BNC2: variants seen among roughly 807,000 people sequenced by gnomAD.
The protein encoded by BNC2 is zinc finger protein basonuclin-2.
In BNC2, 20 loss-of-function variants were observed where a neutral mutation model predicts 76.3. That is an observed-to-expected ratio of 0.26 (90% CI 0.18 to 0.38). BNC2 has a LOEUF of 0.38. Ranked by LOEUF, BNC2 falls within the 10% of genes least tolerant of loss-of-function variation. The probability of loss-of-function intolerance (pLI) is 1.00; values close to 1 mark genes in which losing one functional copy is unlikely to be tolerated. For synonymous variants in BNC2, 582 were observed against 514.8 expected, an observed-to-expected ratio of 1.13 and a Z score of -1.77; for missense variants, 1,382 against 1,399.8, an observed-to-expected ratio of 0.99 and a Z score of 0.20.
intron 3 of BNC2, among the ~76,000 whole-genome samples, chr9:16,647,885 A>G (rs113467748): frequency 1.3e-5 from 2 of 152,290 alleles, no homozygotes; most frequent in African/African-American, 2.4e-5. Flanking sequence ...GCCATGAACT[A>G]TATTTCTAAT....
intron 1 of BNC2, among the ~76,000 whole-genome samples, chr9:16,809,250 C>A (rs1042821037): frequency 6.6e-6 from 1 of 152,052 alleles, no homozygotes; most frequent in Non-Finnish European, 1.5e-5. Flanking sequence ...AAAAACAAGC[C>A]CCCTCCTGGA....
At chr9:16,852,493 T>C (rs1819151701) in intron 1 of BNC2, among the ~76,000 whole-genome samples, 1 of 152,196 alleles carries the variant, frequency 6.6e-6, no homozygotes, top group African/African-American at 2.4e-5. Context: ...GAGATATTCA[T>C]CCATTCATTC....
rs78898457 is a variant in BNC2 at position 16,561,339 on chromosome 9, A to C, written c.434-8574T>G. Among the ~76,000 whole-genome samples the C allele has an allele frequency of 6.8e-4, 104 of 152,248 alleles. 1 individual carries two copies. The Middle Eastern group carries it at 0.024, about 35-fold the overall frequency. On this transcript the variant is annotated intron_variant, in intron 4 of 6. Coordinates refer to ENST00000380672, the MANE Select transcript of BNC2 (RefSeq NM_017637.6). ...ACCACACTGAAAATTGGAGATAGAA[A>C]CGGGGAGGGATGGCTTAGAGCCAAG...
intron 1 of BNC2, among the ~76,000 whole-genome samples, chr9:16,830,860 A>G (rs1818562582): frequency 6.6e-6 from 1 of 152,224 alleles, no homozygotes; most frequent in Non-Finnish European, 1.5e-5. Context: ...GGAATACCCT[A>G]AGGATTCTTG....
chr9:16,754,532 G>T (rs142797540), intron 1 of BNC2, among the ~76,000 whole-genome samples: 1 of 151,266 alleles, frequency 6.6e-6, no homozygotes, highest in East Asian at 2.0e-4. Flanking sequence ...CCAATTATAG[G>T]TTCAGTTATA....
At chr9:16,708,073 A>T (rs1308157483) in intron 3 of BNC2, among the ~76,000 whole-genome samples, 1 of 152,204 alleles carries the variant, frequency 6.6e-6, no homozygotes, top group Non-Finnish European at 1.5e-5. Context: ...AAATAAGTGG[A>T]ATCAGAACAA....
At chr9:16,437,652 C>T (rs1821047118) in intron 5 of BNC2, 128 bp from the exon 6 acceptor site, 1 of 1,112,470 alleles carries the variant, frequency 9.0e-7, no homozygotes, top group African/African-American at 1.6e-5. Flanking sequence ...AAACAACATG[C>T]AAGCACTGTT....
intron 1 of BNC2, among the ~76,000 whole-genome samples, chr9:16,806,678 T>A (rs1039606526): frequency 1.2e-4 from 18 of 152,226 alleles, no homozygotes; most frequent in Admixed American, 2.6e-4. Context: ...ACAGCCTTAA[T>A]GTAACTTCTT....
At chr9:16,542,252 G>C (rs75862364) in intron 5 of BNC2, among the ~76,000 whole-genome samples, 33 of 152,142 alleles carry the variant, frequency 2.2e-4, no homozygotes, top group Non-Finnish European at 3.8e-4. Flanking sequence ...CGATGAGTTC[G>C]AGCAGAAAAT....
chr9:16,760,160 C>G (rs1190415984), intron 1 of BNC2, among the ~76,000 whole-genome samples: 3 of 152,134 alleles, frequency 2.0e-5, no homozygotes, highest in Non-Finnish European at 4.4e-5. Flanking sequence ...CTAAGTATAC[C>G]ACCAAGTAAT....
rs571678342 is a variant in BNC2, at chr9:16,834,701, G to A, written c.3+35945C>T. On this transcript the variant is annotated intron_variant, in intron 1 of 6. Transcript: ENST00000380672. ...CCATTTGTGAACTCCCTACAAGTAA[G>A]TGATTTTTAGTCTTTTTTCTCTATC... 3.3e-4 allele frequency among the ~76,000 whole-genome samples: 50 copies of A among 151,732 alleles called. 2 individuals carry two copies. The South Asian group carries it at 8.9e-3, about 27-fold the overall frequency.
intron 3 of BNC2, among the ~76,000 whole-genome samples, chr9:16,718,481 A>G (rs144251126): frequency 8.3e-4 from 126 of 152,334 alleles, no homozygotes; most frequent in African/African-American, 2.8e-3. Flanking sequence ...AAGAGAACAA[A>G]CAAAAGTTGC....
intron 1 of BNC2, among the ~76,000 whole-genome samples, chr9:16,740,835 G>A (rs1013516374): frequency 9.9e-5 from 15 of 152,054 alleles, no homozygotes; most frequent in African/African-American, 3.6e-4. Flanking sequence ...AATGAAAAGG[G>A]TGCCCCTGGA....
At chr9:16,491,427 T>TA (rs552757606) in intron 5 of BNC2, among the ~76,000 whole-genome samples, 39 of 152,218 alleles carry the variant, frequency 2.6e-4, no homozygotes, top group Admixed American at 2.2e-3. Context: ...TGACAAAACT[T>TA]AAGAGGATCA....
chr9:16,808,120 T>G (rs1022049457), intron 1 of BNC2, among the ~76,000 whole-genome samples: 2 of 152,156 alleles, frequency 1.3e-5, no homozygotes, highest in Non-Finnish European at 2.9e-5. Flanking sequence ...AATAACAAAA[T>G]TTCAGAGTAT....
At chr9:16,545,488 T>C (rs1032162224) in intron 5 of BNC2, among the ~76,000 whole-genome samples, 3 of 152,180 alleles carry the variant, frequency 2.0e-5, no homozygotes, top group Non-Finnish European at 4.4e-5. Flanking sequence ...ACGGGCCTAA[T>C]TTTTTCACAC....
At chr9:16,728,201 T>A in intron 2 of BNC2, 1 of 644,406 alleles carries the variant, frequency 1.6e-6, no homozygotes, top group Non-Finnish European at 2.8e-6. Context: ...TTGCCTTTGC[T>A]CAGTTTAACA....
intron 1 of BNC2, among the ~76,000 whole-genome samples, chr9:16,864,118 T>C (rs1254563696): frequency 3.9e-5 from 6 of 152,198 alleles, no homozygotes; most frequent in Non-Finnish European, 1.5e-5. Flanking sequence ...TATCATCCTT[T>C]TTCTCCTCTG....
intron 1 of BNC2, among the ~76,000 whole-genome samples, chr9:16,765,336 T>C (rs1393004325): frequency 1.3e-5 from 2 of 152,172 alleles, no homozygotes; most frequent in African/African-American, 2.4e-5. Flanking sequence ...GCTTAAAATA[T>C]ACACATAAGA....
Sources: allele counts gnomAD v4.1 joint callset (sites outside exome capture counted in the v4.1 genomes callset), GRCh38; gene constraint gnomAD v4.1.1; transcripts MANE v1.5; gene names NCBI Gene and HGNC (gene_info 2026-07-23, HGNC 2026-07-21).